TAS2R1: variants seen among roughly 807,000 people sequenced by gnomAD.
The protein encoded by TAS2R1 is taste 2 receptor member 1.
For synonymous variants in TAS2R1, 141 were observed against 134.2 expected, an observed-to-expected ratio of 1.05 and a Z score of -0.35; for missense variants, 370 against 353.4, an observed-to-expected ratio of 1.05 and a Z score of -0.38.
the TAS2R1 span, among the ~76,000 whole-genome samples, chr5:9,813,446 C>T: frequency 6.6e-6 from 1 of 152,166 alleles, no homozygotes. Flanking sequence ...CCTTCTCCCA[C>T]TTTGCTGGCC....
chr5:9,655,725 A>T (rs770494478), intron 2 of TAS2R1, among the ~76,000 whole-genome samples: 1 of 152,146 alleles, frequency 6.6e-6, no homozygotes, highest in Non-Finnish European at 1.5e-5. Flanking sequence ...TAAACAATTC[A>T]CAAGAAAAAA....
chr5:9,729,704 G>T, the TAS2R1 span, among the ~76,000 whole-genome samples: 39,203 of 152,062 alleles, frequency 0.26, 6,424 homozygotes, highest in African/African-American at 0.47. Context: ...GCACAAACAT[G>T]CCTTTAAATG....
the TAS2R1 span, among the ~76,000 whole-genome samples, chr5:9,769,654 T>C: frequency 1.3e-5 from 2 of 152,248 alleles, no homozygotes; most frequent in Non-Finnish European, 2.9e-5. Flanking sequence ...TGCAGTTCTC[T>C]GATGGTCAGC....
chr5:9,831,297 A>G, the TAS2R1 span, among the ~76,000 whole-genome samples: 9 of 152,180 alleles, frequency 5.9e-5, no homozygotes, highest in African/African-American at 2.2e-4. Flanking sequence ...GGAAATACTG[A>G]TAATATAGAG....
At chr5:9,858,553 A>G in the TAS2R1 span, among the ~76,000 whole-genome samples, 1 of 152,226 alleles carries the variant, frequency 6.6e-6, no homozygotes, top group Non-Finnish European at 1.5e-5. Flanking sequence ...CATTGATATG[A>G]TTCCCTCAAT....
the TAS2R1 span, among the ~76,000 whole-genome samples, chr5:9,884,971 T>C: frequency 3.3e-5 from 5 of 152,252 alleles, no homozygotes; most frequent in Non-Finnish European, 7.3e-5. Context: ...AATGTAACAA[T>C]AGAACAAAGC....
the TAS2R1 span, among the ~76,000 whole-genome samples, chr5:9,849,892 C>T: frequency 6.6e-6 from 1 of 152,206 alleles, no homozygotes; most frequent in African/African-American, 2.4e-5. Flanking sequence ...AGCTCCATCC[C>T]TGTCTTGACT....
the TAS2R1 span, among the ~76,000 whole-genome samples, chr5:9,854,878 G>A: frequency 1.1e-4 from 16 of 152,198 alleles, no homozygotes; most frequent in Admixed American, 1.0e-3. Context: ...TACATAAAAA[G>A]ATTTGAGTTG....
At chr5:9,749,544 T>A in the TAS2R1 span, among the ~76,000 whole-genome samples, 7 of 152,326 alleles carry the variant, frequency 4.6e-5, no homozygotes, top group Admixed American at 2.6e-4. Flanking sequence ...TTGGAGACTA[T>A]AGGTTAGGCT....
At chr5:9,753,553 T>G in the TAS2R1 span, among the ~76,000 whole-genome samples, 4 of 152,168 alleles carry the variant, frequency 2.6e-5, no homozygotes, top group Admixed American at 2.6e-4. Flanking sequence ...TTAGTTTAAT[T>G]AGATCCCATT....
intron 2 of TAS2R1, among the ~76,000 whole-genome samples, chr5:9,651,448 G>A (rs1341931571): frequency 1.3e-5 from 2 of 152,102 alleles, no homozygotes; most frequent in South Asian, 2.1e-4. Context: ...CCAATAATAT[G>A]AGTGTTACTT....
chr5:9,758,826 G>A, the TAS2R1 span, among the ~76,000 whole-genome samples: 5 of 152,138 alleles, frequency 3.3e-5, no homozygotes, highest in South Asian at 2.1e-4. Context: ...AAATCCTGTC[G>A]TCTCCCTGGG....
chr5:9,708,036 A>C (rs1371750689), intron 1 of TAS2R1, among the ~76,000 whole-genome samples: 1 of 152,218 alleles, frequency 6.6e-6, no homozygotes, highest in Non-Finnish European at 1.5e-5. Flanking sequence ...AAAGGACTCA[A>C]CTATGAATAT....
chr5:9,687,197 C>T (rs13174619), intron 1 of TAS2R1, among the ~76,000 whole-genome samples: 15,099 of 152,106 alleles, frequency 0.099, 901 homozygotes, highest in Admixed American at 0.2. Context: ...TCTCGAACTC[C>T]CGACCTCAGG....
intron 1 of TAS2R1, among the ~76,000 whole-genome samples, chr5:9,690,469 T>C (rs986735772): frequency 6.6e-6 from 1 of 152,168 alleles, no homozygotes; most frequent in African/African-American, 2.4e-5. Context: ...CCTAACATGC[T>C]TTTGCCTTAT....
At position 9,627,473 on chromosome 5, in the gene TAS2R1, T is replaced by G. The variant is rs1435961980; in HGVS notation, c.*1660A>C. ...TTATTAAAGCAGGAGTTGCATGAAA[T>G]AGAATCAGAATTTAGTATCAGAAAA... On this transcript the variant is annotated 3_prime_UTR_variant, in exon 1 of 1. Coordinates refer to ENST00000382492, the MANE Select transcript of TAS2R1 (RefSeq NM_019599.3). Among the ~76,000 whole-genome samples the G allele has an allele frequency of 6.6e-6, 1 of 152,094 alleles. No individual in the cohort carries two copies. Among genetic ancestry groups the G allele is most frequent in the Non-Finnish European group, 1.5e-5 (1 of 68,010 alleles).
chr5:9,752,752 C>T, the TAS2R1 span, among the ~76,000 whole-genome samples: 15 of 151,206 alleles, frequency 9.9e-5, no homozygotes, highest in African/African-American at 3.4e-4. Flanking sequence ...TCTGTGGCCA[C>T]GTGTTCTCAT....
chr5:9,726,427 C>T, the TAS2R1 span, among the ~76,000 whole-genome samples: 2 of 152,142 alleles, frequency 1.3e-5, no homozygotes, highest in East Asian at 1.9e-4. Context: ...GCAGGTTGTC[C>T]GAGCCAGCAG....
At chr5:9,846,828 C>CTA in the TAS2R1 span, among the ~76,000 whole-genome samples, 1 of 152,220 alleles carries the variant, frequency 6.6e-6, no homozygotes, top group Non-Finnish European at 1.5e-5. Context: ...ACCAAGCCCA[C>CTA]ACTTTTCTAA....
Sources: gnomAD v4.1 joint callset for allele counts (sites outside exome capture counted in the v4.1 genomes callset) on GRCh38, gnomAD v4.1.1 for gene constraint, MANE v1.5 for transcripts, NCBI Gene and HGNC (gene_info 2026-07-23, HGNC 2026-07-21) for gene names.